Variants in MMP13 observed in about 807,000 individuals in gnomAD.
MMP13 encodes matrix metallopeptidase 13, also known as collagenase 3.
In MMP13, 45 loss-of-function variants were observed where a neutral mutation model predicts 52.1. That is an observed-to-expected ratio of 0.86 (90% CI 0.68 to 1.11). The LOEUF is 1.11. MMP13 is among the 50% of genes least tolerant of loss of function. The pLI is 0.00. For missense variants in MMP13, 576 were observed against 583.8 expected, an observed-to-expected ratio of 0.99 and a Z score of 0.14; for synonymous variants, 200 against 204.4, an observed-to-expected ratio of 0.98 and a Z score of 0.18.
At chr11:102,944,580 TAC>T (rs1294022455) in intron 9 of MMP13, among the ~76,000 whole-genome samples, 3 of 151,922 alleles carry the variant, frequency 2.0e-5, no homozygotes, top group African/African-American at 7.2e-5. Flanking sequence ...TGAATCCTCC[TAC>T]ACAGTTTTGC....
rs1860665071 is a variant in MMP13, at chr11:102,954,493, C to T, written c.476G>A (p.Gly159Asp). Residue 159 changes from glycine to aspartate, a missense_variant, in exon 3 of 10, where the codon GGC (glycine) becomes GAC (aspartate). Gly to Asp is a moderately conservative substitution (Grantham distance 94). Transcript: ENST00000260302. ...AAAAGAGATCATGATGTCAGCAATG[C>T]CATCGTGAAGTCTGGTAAAATTCAG... The part of the protein sequence containing the change: ...TPLNFTRLHD[G>D]IADIMISFGI... 1 of 1,613,438 alleles carries T rather than the reference C, an allele frequency of 6.2e-7. No homozygotes were observed. Among genetic ancestry groups the T allele is most frequent in the Non-Finnish European group, 8.5e-7 (1 of 1,179,692 alleles).
chr11:102,953,860 T>C lies in MMP13; in HGVS notation c.637+296A>G, dbSNP rs141902320. Among the ~76,000 whole-genome samples the C allele has an allele frequency of 2.0e-3, 311 of 152,286 alleles. 4 individuals are homozygous for C. The highest frequency in any genetic ancestry group is 6.8e-3 in the Middle Eastern group (2 of 294). On this transcript the variant is annotated intron_variant, in intron 4 of 9. Coordinates refer to ENST00000260302, the MANE Select transcript of MMP13 (RefSeq NM_002427.4). Reference sequence around the variant, plus strand: ...ACTTCCTCAACATGCCAAAAGGTAATTTGCAGTAATAACATGTTGGCTGAC... The same window carrying C: ...ACTTCCTCAACATGCCAAAAGGTAACTTGCAGTAATAACATGTTGGCTGAC...
chr11:102,944,093 G>A lies in MMP13; in HGVS notation c.*173C>T. On this transcript the variant is annotated 3_prime_UTR_variant, in exon 10 of 10. Transcript: ENST00000260302. ...TTTCATTACTCTAACATTCTTCAAT[G>A]TGGTTCCAGCCACGCATAGTCATAT... 1.6e-6 allele frequency: 1 copy of A among 628,078 alleles called. No homozygotes were observed. The highest frequency in any genetic ancestry group is 3.0e-6 in the Non-Finnish European group (1 of 334,628). 38.9% of individuals were successfully genotyped at this position (628,078 alleles called of 1,614,324 possible). A position where few individuals can be genotyped will look rare whatever the true frequency, so the allele number is the denominator to read the frequency against.
chr11:102,945,973 G>A (rs1860500806), intron 8 of MMP13, among the ~76,000 whole-genome samples: 1 of 152,188 alleles, frequency 6.6e-6, no homozygotes, highest in Non-Finnish European at 1.5e-5. Context: ...TCTTTTTAAA[G>A]AGAGTTACAA....
chr11:102,948,888 G>T (rs1217198344), intron 7 of MMP13, 137 bp downstream of exon 7: 1 of 1,187,098 alleles, frequency 8.4e-7, no homozygotes. Flanking sequence ...GGTACTTTCT[G>T]GCTTCCATTT....
intron 9 of MMP13, among the ~76,000 whole-genome samples, chr11:102,944,781 T>TG (rs1211697655): frequency 6.7e-6 from 1 of 148,552 alleles, no homozygotes; most frequent in African/African-American, 2.5e-5. Flanking sequence ...CTTTTTTTTT[T>TG]TTTTTTTTTT....
intron 8 of MMP13, among the ~76,000 whole-genome samples, chr11:102,946,196 T>A (rs1180486550): frequency 2.6e-5 from 4 of 152,180 alleles, no homozygotes; most frequent in African/African-American, 7.2e-5. Context: ...TAAAAAGTTG[T>A]AGGGGCATAT....
rs187748244 is a variant in MMP13, at chr11:102,946,236, A to G, written c.1212-487T>C. On this transcript the variant is annotated intron_variant, in intron 8 of 9. Coordinates refer to ENST00000260302, the MANE Select transcript of MMP13 (RefSeq NM_002427.4). Reference sequence around the variant, plus strand: ...ATACTAAAGGTAGGAAGGGAAGCATAGCTTTCCCCCTCCATAACTGCATAT... The same window carrying G: ...ATACTAAAGGTAGGAAGGGAAGCATGGCTTTCCCCCTCCATAACTGCATAT... Among the ~76,000 whole-genome samples the G allele has an allele frequency of 5.3e-5, 8 of 152,318 alleles. No homozygotes were observed. In the East Asian group the frequency reaches 1.5e-3, roughly 29 times the overall value.
chr11:102,947,983 C>T lies in MMP13; in HGVS notation c.1119G>A (p.Leu373=), dbSNP rs562039397. 6 of 1,613,784 alleles carry T rather than the reference C, an allele frequency of 3.7e-6. No homozygotes were observed. The highest frequency in any genetic ancestry group is 2.2e-5 in the East Asian group (1 of 44,866). The change falls in exon 8 of 10, where the codon CTG becomes CTA. Residue 373 remains leucine, a synonymous_variant. Transcript: ENST00000260302. ...TCTTCTTAACTTCTTTTGGAAGACC[C>T]AGTTCAGATATTTTTTTGGGATAAC... ...LEGYPKKISE[L]GLPKEVKKIS...
chr11:102,950,732 G>A (rs1338238453), intron 5 of MMP13, among the ~76,000 whole-genome samples: 1 of 152,106 alleles, frequency 6.6e-6, no homozygotes, highest in Non-Finnish European at 1.5e-5. Flanking sequence ...CAGCACTTAT[G>A]TGACTTGCGA....
In MMP13 at chr11:102,954,619, G is replaced by T. The variant is rs772353857; in HGVS notation, c.363-13C>A. On this transcript the variant is annotated splice_polypyrimidine_tract_variant and intron_variant, in intron 2 of 9. Coordinates refer to ENST00000260302, the MANE Select transcript of MMP13 (RefSeq NM_002427.4). ...GTAATTCACAATTCTATTTAACAGA[G>T]AAAGTTTCAATGAACTTTTTGGAAA... The T allele has an allele frequency of 6.2e-7, 1 of 1,612,546 alleles. No homozygotes were observed. The highest frequency in any genetic ancestry group is 1.1e-5 in the South Asian group (1 of 91,020).
At position 102,943,502 on chromosome 11, in the gene MMP13, C is replaced by T. The variant is rs1213832838; in HGVS notation, c.*764G>A. Reference sequence around the variant, plus strand: ...TAGACTATTTTGATAACAATTTTAACTTTGTAATGTGTGACTTCTGAAGAA... The same window carrying T: ...TAGACTATTTTGATAACAATTTTAATTTTGTAATGTGTGACTTCTGAAGAA... On this transcript the variant is annotated 3_prime_UTR_variant, in exon 10 of 10. Transcript: ENST00000260302. 2.0e-5 allele frequency: 3 copies of T among 152,094 alleles called. No homozygotes were observed. The highest frequency in any genetic ancestry group is 2.0e-4 in the Admixed American group (3 of 15,256). 9.4% of individuals were successfully genotyped at this position (152,094 alleles called of 1,614,324 possible). A position where few individuals can be genotyped will look rare whatever the true frequency, so the allele number is the denominator to read the frequency against.
At position 102,955,655 on chromosome 11, in the gene MMP13, A is replaced by G. The variant is rs770605402; in HGVS notation, c.51T>C (p.Cys17=). ...CACCACTGGGAAGGGGCAGGGCCCG[A>G]CAATGAGTCCAGCTCAAGAAGAGGA... is the stretch of plus-strand genomic sequence containing the variant. ...AAFLFLSWTH[C]RALPLPSGGD... is the part of the protein sequence containing the mutation. Residue 17 remains cysteine (C), a synonymous_variant, in exon 1 of 10, where the codon TGT becomes TGC. Transcript: ENST00000260302. This position sits in a 1 kb window ranked among gnomAD's most constrained non-coding sequence, Gnocchi z 4.9. 1.2e-6 allele frequency: 2 copies of G among 1,614,050 alleles called. No individual in the cohort carries two copies. The highest frequency in any genetic ancestry group is 3.3e-5 in the Admixed American group (2 of 60,000).
rs1187170551 is a variant in MMP13, at chr11:102,949,780, A to G, written c.917+330T>C. ...ACCAAAACGAATCCGTGTGGGCCTA[A>G]CGAGTAACCATTTATTAATACAGCA... On this transcript the variant is annotated intron_variant, in intron 6 of 9. Transcript: ENST00000260302. The surrounding 1 kb of genome is among the most constrained non-coding windows in gnomAD (Gnocchi z 4.2). Among the ~76,000 whole-genome samples, 1 of 152,168 alleles carries G rather than the reference A, an allele frequency of 6.6e-6. No individual in the cohort carries two copies. Among genetic ancestry groups the G allele is most frequent in the Admixed American group, 6.6e-5 (1 of 15,264 alleles).
rs1555017055 is a variant in MMP13 at position 102,949,342 on chromosome 11, C to T, written c.918-184G>A. Among the ~76,000 whole-genome samples the T allele has an allele frequency of 6.6e-6, 1 of 152,078 alleles. No homozygotes were observed. Among genetic ancestry groups the T allele is most frequent in the Admixed American group, 6.6e-5 (1 of 15,258 alleles). On this transcript the variant is annotated intron_variant, in intron 6 of 9. Transcript: ENST00000260302. The surrounding 1 kb of genome is among the most constrained non-coding windows in gnomAD (Gnocchi z 4.2). The stretch of plus-strand genomic sequence containing the variant: ...TGACAAGTTGTGCTATCCTAACTAG[C>T]GTAAGGTATTCAACTTTGAAATCTC...
Position 102,954,236 on chromosome 11 carries a change from G to T in MMP13, c.557C>A (p.Ala186Asp), listed in dbSNP as rs1860657676. 6.2e-7 allele frequency: 1 copy of T among 1,613,580 alleles called. No individual in the cohort carries two copies. The highest frequency in any genetic ancestry group is 1.3e-5 in the African/African-American group (1 of 74,900). ...ATTTGGCCCAGGAGGAAAAGCATGA[G>T]CCAGCAGGCCAGAGGGCCCATCAAA... ...YPFDGPSGLL[A>D]HAFPPGPNYG... The change falls in exon 4 of 10, where the codon GCT (alanine) becomes GAT (aspartate). Residue 186 changes from alanine to aspartate, a missense_variant. Ala to Asp is a moderately radical substitution (Grantham distance 126). Transcript: ENST00000260302.
intron 4 of MMP13, among the ~76,000 whole-genome samples, chr11:102,953,426 A>C (rs969711060): frequency 6.6e-6 from 1 of 152,192 alleles, no homozygotes; most frequent in Non-Finnish European, 1.5e-5. Context: ...ATTTAAATGA[A>C]AAATAAAACT....
intron 5 of MMP13, among the ~76,000 whole-genome samples, chr11:102,950,741 G>A (rs782372135): frequency 2.6e-5 from 4 of 152,072 alleles, no homozygotes; most frequent in Non-Finnish European, 5.9e-5. Context: ...TGTGACTTGC[G>A]ACATGTTGGT....
chr11:102,946,507 T>C (rs905859835), intron 8 of MMP13, among the ~76,000 whole-genome samples: 1 of 152,204 alleles, frequency 6.6e-6, no homozygotes, highest in Admixed American at 6.5e-5. Flanking sequence ...AGAGTAATCA[T>C]GAAATGTCAT....
Sources: allele counts gnomAD v4.1 joint callset (sites outside exome capture counted in the v4.1 genomes callset), GRCh38; gene constraint gnomAD v4.1.1; non-coding constraint Gnocchi (gnomAD v3.1); transcripts MANE v1.5; gene names NCBI Gene and HGNC (gene_info 2026-07-23, HGNC 2026-07-21).